Variants in KCNK2 observed in about 807,000 individuals in gnomAD.
The protein encoded by KCNK2 is potassium two pore domain channel subfamily K member 2.
Under a neutral mutation model 40.5 loss-of-function variants are expected in KCNK2, and 21 were observed. That is an observed-to-expected ratio of 0.52 (90% CI 0.37 to 0.75). The LOEUF is 0.75. KCNK2 is among the 30% of genes least tolerant of loss of function. The probability of loss-of-function intolerance (pLI) is 0.00; values close to 1 mark genes in which losing one functional copy is unlikely to be tolerated. For missense variants in KCNK2, 399 were observed against 531.6 expected (o/e 0.75, Z 2.45); for synonymous variants, 191 against 202.2 (o/e 0.94, Z 0.47).
At chr1:215,110,768 T>G (rs1030116187) in intron 2 of KCNK2, among the ~76,000 whole-genome samples, 5 of 152,106 alleles carry the variant, frequency 3.3e-5, no homozygotes, top group African/African-American at 1.2e-4. Flanking sequence ...CATGCATAGC[T>G]TTCTCCATCA....
chr1:215,092,143 G>A (rs1472591076), intron 2 of KCNK2, among the ~76,000 whole-genome samples: 2 of 152,144 alleles, frequency 1.3e-5, no homozygotes, highest in African/African-American at 4.8e-5. Context: ...AATGAGGGGG[G>A]CTTGACCTAA....
At chr1:215,171,853 A>T (rs1295495468) in intron 4 of KCNK2, 144 bp from the exon 5 acceptor site, 4 of 474,416 alleles carry the variant, frequency 8.4e-6, no homozygotes, top group Non-Finnish European at 1.5e-5. Context: ...CTTACTTGCT[A>T]ATTTGCTCAT....
At chr1:215,093,810 TTATATATTATATATTATATATAA>T (rs1659842604) in intron 2 of KCNK2, among the ~76,000 whole-genome samples, 8 of 27,804 alleles carry the variant, frequency 2.9e-4, no homozygotes, top group Non-Finnish European at 8.9e-4. Flanking sequence ...ATAAAATATA[TTATATATTATATATTATATATAA>T]AATATATTAT....
chr1:215,110,695 T>C (rs928035571), intron 2 of KCNK2, among the ~76,000 whole-genome samples: 5 of 152,048 alleles, frequency 3.3e-5, no homozygotes, highest in Non-Finnish European at 7.4e-5. Context: ...TAAAGCATTT[T>C]TAGGTTCGTG....
At chr1:215,125,791 A>C (rs1571641742) in intron 3 of KCNK2, among the ~76,000 whole-genome samples, 1 of 22,666 alleles carries the variant, frequency 4.4e-5, no homozygotes, top group African/African-American at 6.1e-5. Flanking sequence ...ATAAAATTTG[A>C]AAAAAAAAAA....
chr1:215,232,690 A>G (rs1028111091), intron 6 of KCNK2, among the ~76,000 whole-genome samples: 3 of 152,198 alleles, frequency 2.0e-5, no homozygotes, highest in Admixed American at 1.3e-4. Flanking sequence ...TTTATATTAA[A>G]AACATATTTT....
intron 6 of KCNK2, among the ~76,000 whole-genome samples, chr1:215,198,693 C>T (rs562063644): frequency 1.3e-5 from 2 of 152,134 alleles, no homozygotes; most frequent in South Asian, 4.1e-4. Flanking sequence ...TTTAAAAACT[C>T]CCAAAGTGTT....
chr1:215,178,503 A>G (rs1664087772), intron 5 of KCNK2, among the ~76,000 whole-genome samples: 1 of 152,116 alleles, frequency 6.6e-6, no homozygotes, highest in Non-Finnish European at 1.5e-5. Context: ...TTTGCCATAG[A>G]TGGCTCTTAT....
intron 3 of KCNK2, among the ~76,000 whole-genome samples, chr1:215,167,950 G>T (rs1322715952): frequency 6.6e-6 from 1 of 151,978 alleles, no homozygotes; most frequent in East Asian, 1.9e-4. Context: ...CAGAATGGAA[G>T]AAAATTTTTG....
chr1:215,157,124 G>T (rs1183616667), intron 3 of KCNK2, among the ~76,000 whole-genome samples: 1 of 152,152 alleles, frequency 6.6e-6, no homozygotes, highest in Non-Finnish European at 1.5e-5. Context: ...AATTGGAGAT[G>T]AGATTTGGGT....
Position 215,198,733 on chromosome 1 carries a change from A to T in KCNK2, c.963+3641A>T, listed in dbSNP as rs540230270. On this transcript the variant is annotated intron_variant, in intron 6 of 6. Coordinates refer to ENST00000444842, the MANE Select transcript of KCNK2 (RefSeq NM_001017425.3). ...AATAACAAAGTTATTTCTAGTTTTC[A>T]GTTTTGATGAATAAAAACACTAAAC... is the stretch of plus-strand genomic sequence containing the variant. 1.2e-4 allele frequency among the ~76,000 whole-genome samples: 19 copies of T among 152,312 alleles called. No individual in the cohort carries two copies. The South Asian group carries it at 3.7e-3, about 30-fold the overall frequency.
At chr1:215,143,116 C>T (rs1208853411) in intron 3 of KCNK2, among the ~76,000 whole-genome samples, 1 of 152,164 alleles carries the variant, frequency 6.6e-6, no homozygotes, top group African/African-American at 2.4e-5. Flanking sequence ...CATATTTCTT[C>T]TCTGCCTCCC....
intron 3 of KCNK2, among the ~76,000 whole-genome samples, chr1:215,145,624 C>T (rs1218509810): frequency 6.6e-6 from 1 of 152,040 alleles, no homozygotes; most frequent in African/African-American, 2.4e-5. Flanking sequence ...TTATATAGTT[C>T]TATCAGTTTA....
intron 1 of KCNK2, among the ~76,000 whole-genome samples, chr1:215,020,337 A>G (rs1351599941): frequency 6.6e-6 from 1 of 152,248 alleles, no homozygotes; most frequent in Non-Finnish European, 1.5e-5. Context: ...TGGTGATAAC[A>G]CTTATTTTCT....
At chr1:215,007,628 C>T (rs1325267033) in intron 1 of KCNK2, among the ~76,000 whole-genome samples, 1 of 152,000 alleles carries the variant, frequency 6.6e-6, no homozygotes, top group Non-Finnish European at 1.5e-5. Context: ...GAACACATGT[C>T]CTTCTGCTGC....
chr1:215,196,386 C>T lies in KCNK2; in HGVS notation c.963+1294C>T, dbSNP rs551133022. Among the ~76,000 whole-genome samples the T allele has an allele frequency of 6.2e-4, 94 of 152,164 alleles. 2 individuals carry two copies. In the South Asian group the frequency reaches 0.019, roughly 30 times the overall value. Reference sequence around the variant, plus strand: ...ACAGGCATGAGCCACCGTGCCAGGCCAAGTCATACAATTTTTTATTCATAC... The same window carrying T: ...ACAGGCATGAGCCACCGTGCCAGGCTAAGTCATACAATTTTTTATTCATAC... On this transcript the variant is annotated intron_variant, in intron 6 of 6. Coordinates refer to ENST00000444842, the MANE Select transcript of KCNK2 (RefSeq NM_001017425.3).
At chr1:215,183,435 C>T (rs1043814539) in intron 5 of KCNK2, among the ~76,000 whole-genome samples, 5 of 152,050 alleles carry the variant, frequency 3.3e-5, no homozygotes, top group African/African-American at 9.7e-5. Context: ...AAAGTGTCTA[C>T]GTTTTTCTAC....
chr1:215,208,859 G>C (rs116134617), intron 6 of KCNK2, among the ~76,000 whole-genome samples: 2 of 151,774 alleles, frequency 1.3e-5, no homozygotes, highest in African/African-American at 2.4e-5. Context: ...ATGGAGTCTC[G>C]TTCTGTGGAC....
At chr1:215,125,081 AT>A (rs1334867108) in intron 3 of KCNK2, among the ~76,000 whole-genome samples, 2 of 152,058 alleles carry the variant, frequency 1.3e-5, no homozygotes, top group Non-Finnish European at 2.9e-5. Flanking sequence ...AATTTTTGAT[AT>A]TTTTTGTGTA....
Sources: allele counts gnomAD v4.1 joint callset (sites outside exome capture counted in the v4.1 genomes callset), GRCh38; gene constraint gnomAD v4.1.1; transcripts MANE v1.5; gene names NCBI Gene and HGNC (gene_info 2026-07-23, HGNC 2026-07-21).